HDAC2: variants seen among roughly 807,000 people sequenced by gnomAD.
HDAC2 encodes the protein YY1-associated factor 1.
A neutral mutation model predicts 68.5 loss-of-function variants in HDAC2; 5 were observed. That is an observed-to-expected ratio of 0.07 (90% CI 0.04 to 0.15). The LOEUF is 0.15. HDAC2 is among the 10% of genes least tolerant of loss of function. HDAC2 has a pLI of 1.00. For synonymous variants in HDAC2, 182 were observed against 191.3 expected, an observed-to-expected ratio of 0.95 and a Z score of 0.40; for missense variants, 291 against 600.8, an observed-to-expected ratio of 0.48 and a Z score of 5.39.
intron 3 of HDAC2, chr6:113,958,399 CAA>C (rs1253718680): frequency 3.1e-6 from 1 of 325,392 alleles, no homozygotes; most frequent in Non-Finnish European, 5.6e-6. Flanking sequence ...TGTATTAACC[CAA>C]AGTTATCAGG....
Position 113,965,454 on chromosome 6 carries a change from T to C in HDAC2, c.52+5403A>G, listed in dbSNP as rs186717874. ...TGATCTCGGCTCACTGCAACCTCTC[T>C]GCCTCCCGGGTTCAAGCGATTCTCC... On this transcript the variant is annotated intron_variant, in intron 1 of 13. Transcript: ENST00000519065. Among the ~76,000 whole-genome samples the C allele has an allele frequency of 1.1e-3, 163 of 152,036 alleles. 3 individuals are homozygous for C. In the East Asian group the frequency reaches 0.029, roughly 27 times the overall value.
intron 8 of HDAC2, 81 bp from the exon 9 acceptor site, chr6:113,946,229 G>T: frequency 8.7e-7 from 1 of 1,154,752 alleles, no homozygotes; most frequent in Non-Finnish European, 1.2e-6. Flanking sequence ...GATAATAAGT[G>T]CAAATGTTAC....
chr6:113,953,540 C>A, intron 5 of HDAC2, 122 bp from the exon 6 acceptor site: 1 of 605,358 alleles, frequency 1.7e-6, no homozygotes. Context: ...TCACCTTTTA[C>A]ATTCAGCCTA....
intron 1 of HDAC2, chr6:113,970,414 GAT>G: frequency 9.9e-7 from 1 of 1,008,328 alleles, no homozygotes; most frequent in Non-Finnish European, 1.2e-6. Context: ...TCAAGGCCGG[GAT>G]AGAAATTTTG....
intron 2 of HDAC2, among the ~76,000 whole-genome samples, 187 bp from the exon 3 acceptor site, chr6:113,958,953 A>G (rs1776617465): frequency 6.6e-6 from 1 of 152,198 alleles, no homozygotes. Context: ...TCTCAAAACT[A>G]ATTCAAACTC....
intron 3 of HDAC2, 63 bp from the exon 4 acceptor site, chr6:113,956,756 C>T: frequency 8.4e-7 from 1 of 1,185,042 alleles, no homozygotes; most frequent in Middle Eastern, 1.9e-4. Flanking sequence ...CCTTTTCTTA[C>T]AAAAACTATT....
chr6:113,944,535 C>T, intron 10 of HDAC2, 125 bp from the exon 11 acceptor site: 1 of 750,242 alleles, frequency 1.3e-6, no homozygotes, highest in South Asian at 1.8e-5. Context: ...TAAAAGGTCT[C>T]TCTTTGTTGC....
intron 6 of HDAC2, among the ~76,000 whole-genome samples, chr6:113,952,844 A>C (rs1323326992): frequency 6.6e-6 from 1 of 152,152 alleles, no homozygotes; most frequent in Non-Finnish European, 1.5e-5. Context: ...AGCTTAAAGA[A>C]AAAAAAAGAT....
chr6:113,934,866 T>TG lies in HDAC2; in HGVS notation c.*6191dup, dbSNP rs1181757004. Reference sequence around the variant, plus strand: ...ACAATAACAATGCTTATTTGATTGTTGGGGAAGGTGACAGCTAGTAATACG... The same window carrying TG: ...ACAATAACAATGCTTATTTGATTGTTGGGGGAAGGTGACAGCTAGTAATACG... On this transcript the variant is annotated 3_prime_UTR_variant, in exon 14 of 14. Transcript: ENST00000519065. 6.6e-6 allele frequency: 1 copy of TG among 152,214 alleles called. No individual in the cohort carries two copies. The highest frequency in any genetic ancestry group is 2.1e-4 in the South Asian group (1 of 4,830). 9.4% of individuals were successfully genotyped at this position (152,214 alleles called of 1,614,324 possible).
At position 113,971,045 on chromosome 6, in the gene HDAC2, G is replaced by A. The variant is rs998204390; in HGVS notation, c.-137C>T. On this transcript the variant is annotated 5_prime_UTR_variant, in exon 1 of 14. Coordinates refer to ENST00000519065, the MANE Select transcript of HDAC2 (RefSeq NM_001527.4). ...ATAGTCCCGCGGGGAAGGGCAGGCC[G>A]GTGGGAGGAGAGGAGGGGGCGCCGG... 30 of 1,568,288 alleles carry A rather than the reference G, an allele frequency of 1.9e-5. No individual in the cohort carries two copies. The highest frequency in any genetic ancestry group is 2.2e-5 in the Non-Finnish European group (26 of 1,155,824).
Position 113,934,680 on chromosome 6 carries a change from C to T in HDAC2, c.*6378G>A, listed in dbSNP as rs959697185. 6.6e-6 allele frequency: 1 copy of T among 152,178 alleles called. No individual in the cohort carries two copies. The highest frequency in any genetic ancestry group is 1.5e-5 in the Non-Finnish European group (1 of 68,036). The allele number at this position is 152,178 out of a possible 1,614,324, so 9.4% of individuals were successfully genotyped here. ...AAATAGGATGGCAGAAGAGTCATTA[C>T]ATTAAGAAAGCCCAATGCTGCCATT... On this transcript the variant is annotated 3_prime_UTR_variant, in exon 14 of 14. Transcript: ENST00000519065.
chr6:113,956,040 A>C lies in HDAC2; in HGVS notation c.470T>G (p.Ile157Ser). The C allele has an allele frequency of 1.2e-6, 2 of 1,608,894 alleles. No individual in the cohort carries two copies. The highest frequency in any genetic ancestry group is 1.7e-6 in the Non-Finnish European group (2 of 1,177,980). ...TAGTAATTCAAGGATGGCAAGCACA[A>C]TATCATTAACGTAACAGAATCCTGA... is the stretch of plus-strand genomic sequence containing the variant. The part of the protein sequence containing the change: ...EASGFCYVND[I>S]VLAILELLKY... The change falls in exon 5 of 14, where the codon ATT (isoleucine) becomes AGT (serine). Residue 157 changes from isoleucine to serine, a missense_variant. Coordinates refer to ENST00000519065, the MANE Select transcript of HDAC2 (RefSeq NM_001527.4).
At position 113,971,057 on chromosome 6, in the gene HDAC2, G is replaced by C; in HGVS notation, c.-149C>G. 6.4e-7 allele frequency: 1 copy of C among 1,561,670 alleles called. No homozygotes were observed. The highest frequency in any genetic ancestry group is 8.7e-7 in the Non-Finnish European group (1 of 1,152,040). ...GGAAGGGCAGGCCGGTGGGAGGAGA[G>C]GAGGGGGCGCCGGGAAGGCTCGGTA... is the stretch of plus-strand genomic sequence containing the variant. On this transcript the variant is annotated 5_prime_UTR_variant, in exon 1 of 14. Transcript: ENST00000519065.
chr6:113,953,225 TG>T, intron 6 of HDAC2, 51 bp downstream of exon 6: 3 of 1,338,152 alleles, frequency 2.2e-6, no homozygotes, highest in Non-Finnish European at 3.1e-6. Context: ...ATAGGATTAC[TG>T]ATCTCCTAGG....
intron 8 of HDAC2, chr6:113,946,872 C>T: frequency 6.6e-6 from 1 of 151,926 alleles, no homozygotes; most frequent in Admixed American, 6.6e-5. Flanking sequence ...GACATTTGTG[C>T]ATACTGAAGA....
At chr6:113,959,717 A>T in intron 2 of HDAC2, 189 bp downstream of exon 2, 1 of 411,392 alleles carries the variant, frequency 2.4e-6, no homozygotes, top group Non-Finnish European at 4.3e-6. Flanking sequence ...GTTAAAGGAA[A>T]AGGAAAAAGA....
chr6:113,941,186 G>A, intron 13 of HDAC2, 98 bp from the exon 14 acceptor site: 1 of 803,434 alleles, frequency 1.2e-6, no homozygotes, highest in Non-Finnish European at 2.0e-6. Context: ...CTCATGCTAA[G>A]AAACACATTA....
chr6:113,943,643 A>T, intron 11 of HDAC2, 137 bp from the exon 12 acceptor site: 2 of 524,768 alleles, frequency 3.8e-6, no homozygotes, highest in Non-Finnish European at 6.1e-6. Flanking sequence ...TGATTTTAAA[A>T]TTTGAATGGA....
At chr6:113,970,646 C>T (rs1776972884) in intron 1 of HDAC2, 58 of 1,347,518 alleles carry the variant, frequency 4.3e-5, no homozygotes, top group Non-Finnish European at 5.0e-5. Flanking sequence ...GACGGGCGGG[C>T]CCCCTGATTC....
Sources: allele counts gnomAD v4.1 joint callset (sites outside exome capture counted in the v4.1 genomes callset), GRCh38; gene constraint gnomAD v4.1.1; transcripts MANE v1.5; gene names NCBI Gene and HGNC (gene_info 2026-07-23, HGNC 2026-07-21).